C8orf74: variants seen among roughly 807,000 people sequenced by gnomAD.
C8orf74 encodes the protein chromosome 8 open reading frame 74.
A neutral mutation model predicts 22.2 loss-of-function variants in C8orf74; 29 were observed. The observed-to-expected ratio is 1.31, with a 90% CI of 0.97 to 1.78. The LOEUF (loss-of-function observed/expected upper bound fraction) is 1.78, where lower values mean the gene tolerates loss of function less well. Among genes scored for constraint, C8orf74 ranks in the 40% most tolerant of loss-of-function variants. C8orf74 has a pLI of 0.00. For missense variants in C8orf74, 515 were observed against 369.9 expected (o/e 1.39, Z -3.22); for synonymous variants, 255 against 163.1 (o/e 1.56, Z -4.30).
intron 1 of C8orf74, among the ~76,000 whole-genome samples, chr8:10,672,971 G>A (rs527811329): frequency 6.6e-6 from 1 of 152,182 alleles, no homozygotes; most frequent in African/African-American, 2.4e-5. Flanking sequence ...GTGAGGGACT[G>A]TGCCTGCCTC....
At chr8:10,695,105 G>T (rs1004278833) in intron 2 of C8orf74, among the ~76,000 whole-genome samples, 1 of 151,834 alleles carries the variant, frequency 6.6e-6, no homozygotes, top group African/African-American at 2.4e-5. Context: ...GAGGGGAAGG[G>T]GAATGGAGAG....
chr8:10,692,914 T>C (rs1036458555), intron 2 of C8orf74: 2 of 152,252 alleles, frequency 1.3e-5, no homozygotes, highest in African/African-American at 4.8e-5. Context: ...GCTTGAGTGA[T>C]AGTGGAGGGA....
intron 2 of C8orf74, among the ~76,000 whole-genome samples, chr8:10,693,916 C>T (rs191635141): frequency 2.4e-4 from 36 of 152,242 alleles, no homozygotes; most frequent in Admixed American, 1.8e-3. Flanking sequence ...CTCCATGCAG[C>T]TCTTGCCATC....
At chr8:10,695,883 C>G (rs1186821731) in intron 2 of C8orf74, among the ~76,000 whole-genome samples, 1 of 152,156 alleles carries the variant, frequency 6.6e-6, no homozygotes, top group African/African-American at 2.4e-5. Flanking sequence ...GCAGAAGGAA[C>G]TGTGGAATTC....
chr8:10,685,677 G>A (rs939885978), intron 2 of C8orf74, among the ~76,000 whole-genome samples: 7 of 152,170 alleles, frequency 4.6e-5, no homozygotes, highest in African/African-American at 1.4e-4. Context: ...TGGATATGGA[G>A]TTCTAGTTTG....
Position 10,700,419 on chromosome 8 carries a change from C to T in C8orf74, c.833C>T (p.Ala278Val), listed in dbSNP as rs1472421534. The change falls in exon 4 of 4, where the codon GCC becomes GTC. Residue 278 changes from alanine to valine, a missense_variant. By Grantham distance (64) the Ala-to-Val change is moderately conservative. Transcript: ENST00000304519. ...ACCAGCCACGCAGGCCAGGAGGAAG[C>T]CCTGAAGCCCCAAAGAGCGAGCAAA... ...PITSHAGQEE[A>V]LKPQRASKGK... 4 of 1,609,834 alleles carry T rather than the reference C, an allele frequency of 2.5e-6. No individual in the cohort carries two copies. In the South Asian group the frequency reaches 4.4e-5, roughly 18 times the overall value.
chr8:10,695,205 A>G (rs1586051103), intron 2 of C8orf74, among the ~76,000 whole-genome samples: 1 of 152,090 alleles, frequency 6.6e-6, no homozygotes, highest in Admixed American at 6.5e-5. Flanking sequence ...TGGACATCTT[A>G]CCCCATTTGA....
rs531678805 is a variant in C8orf74 at position 10,677,368 on chromosome 8, G to T, written c.241+2530G>T. On this transcript the variant is annotated intron_variant, in intron 2 of 3. Coordinates refer to ENST00000304519, the MANE Select transcript of C8orf74 (RefSeq NM_001040032.2). ...CTTTCCATTTGGACTAGACATCCTA[G>T]TACCTTTCATTATTCTTTTTAAAAA... Among the ~76,000 whole-genome samples the T allele has an allele frequency of 1.5e-4, 23 of 152,186 alleles. No individual in the cohort carries two copies. The South Asian group carries it at 4.8e-3, about 32-fold the overall frequency.
intron 2 of C8orf74, among the ~76,000 whole-genome samples, chr8:10,687,615 C>CAAAAAA (rs374455264): frequency 2.7e-3 from 138 of 51,816 alleles, no homozygotes; most frequent in East Asian, 4.4e-3. Flanking sequence ...GACTCCATCT[C>CAAAAAA]AAAAAAAAAA....
In C8orf74 at chr8:10,673,646, T is replaced by A. The variant is rs115501070; in HGVS notation, c.48+933T>A. On this transcript the variant is annotated intron_variant, in intron 1 of 3. Transcript: ENST00000304519. The stretch of plus-strand genomic sequence containing the variant: ...TGCTGGAGGTACACAAAACCTGGGC[T>A]GCAGTGGCCAGCATGAGAACTCTCA... 411 of 154,024 alleles carry A rather than the reference T, an allele frequency of 2.7e-3. 1 individual carries two copies. Among genetic ancestry groups the A allele is most frequent in the African/African-American group, 9.4e-3 (391 of 41,500 alleles). The allele number at this position is 154,024 out of a possible 1,614,324, so 9.5% of individuals were successfully genotyped here.
At chr8:10,686,260 G>C (rs1799260840) in intron 2 of C8orf74, among the ~76,000 whole-genome samples, 1 of 152,176 alleles carries the variant, frequency 6.6e-6, no homozygotes, top group Non-Finnish European at 1.5e-5. Flanking sequence ...TCTGGACTGA[G>C]ACCTGATTTT....
chr8:10,686,835 G>C (rs1423720672), intron 2 of C8orf74: 1 of 264,412 alleles, frequency 3.8e-6, no homozygotes, highest in Non-Finnish European at 7.6e-6. Flanking sequence ...TATGCAGTAA[G>C]TGGTGTCCTA....
chr8:10,679,664 C>T lies in C8orf74; in HGVS notation c.241+4826C>T, dbSNP rs1026187136. 1.8e-4 allele frequency among the ~76,000 whole-genome samples: 28 copies of T among 152,246 alleles called. 1 individual carries two copies. The highest frequency in any genetic ancestry group is 5.9e-5 in the Non-Finnish European group (4 of 68,044). ...TCCGCGTTGGGCCTCATGGGCTTAG[C>T]TTCTCTCTCCAGGCCACAGCCACGG... On this transcript the variant is annotated intron_variant, in intron 2 of 3. Transcript: ENST00000304519.
At chr8:10,685,855 A>C (rs965081432) in intron 2 of C8orf74, among the ~76,000 whole-genome samples, 3 of 152,190 alleles carry the variant, frequency 2.0e-5, no homozygotes, top group African/African-American at 7.2e-5. Flanking sequence ...GGATCACGAG[A>C]TAAGGAGATT....
chr8:10,694,113 G>A (rs368826663), intron 2 of C8orf74, among the ~76,000 whole-genome samples: 26 of 152,266 alleles, frequency 1.7e-4, no homozygotes, highest in African/African-American at 6.0e-4. Context: ...CGGTCCTGAA[G>A]CCCATGCTGT....
intron 1 of C8orf74, among the ~76,000 whole-genome samples, chr8:10,674,179 C>A (rs1798976384): frequency 2.8e-5 from 4 of 144,932 alleles, no homozygotes; most frequent in African/African-American, 5.2e-5. Context: ...ATATCACAGC[C>A]TGCAGCCCCC....
chr8:10,682,878 A>T (rs1052727599), intron 2 of C8orf74, among the ~76,000 whole-genome samples: 1 of 152,222 alleles, frequency 6.6e-6, no homozygotes, highest in Non-Finnish European at 1.5e-5. Context: ...GGCCTTTAAC[A>T]CAGCTTCTGT....
intron 2 of C8orf74, among the ~76,000 whole-genome samples, chr8:10,677,488 A>G (rs1218712972): frequency 1.3e-5 from 2 of 152,176 alleles, no homozygotes; most frequent in Non-Finnish European, 2.9e-5. Flanking sequence ...TATTTAACAT[A>G]TGTTCATTAT....
At chr8:10,688,004 A>G (rs530067292) in intron 2 of C8orf74, among the ~76,000 whole-genome samples, 6 of 152,270 alleles carry the variant, frequency 3.9e-5, no homozygotes, top group Non-Finnish European at 7.4e-5. Flanking sequence ...TGAGGAATTC[A>G]AGACCAGCCT....
Sources: allele counts gnomAD v4.1 joint callset (sites outside exome capture counted in the v4.1 genomes callset), GRCh38; gene constraint gnomAD v4.1.1; transcripts MANE v1.5; gene names NCBI Gene and HGNC (gene_info 2026-07-23, HGNC 2026-07-21).